DHX38: variants seen among roughly 807,000 people sequenced by gnomAD.
The protein encoded by DHX38 is DEAH-box helicase 38.
Under a neutral mutation model 153.1 loss-of-function variants are expected in DHX38, and 100 were observed. The ratio of observed to expected loss-of-function variants is 0.65; its 90% CI spans 0.56 to 0.77. DHX38 has a LOEUF of 0.77. Among genes scored for constraint, DHX38 ranks in the 30% least tolerant of loss-of-function variants. The pLI is 0.00. For synonymous variants in DHX38, 650 were observed against 631.7 expected (o/e 1.03, Z -0.43); for missense variants, 1,440 against 1,654.0 (o/e 0.87, Z 2.24).
rs543581985 is a variant in DHX38, at chr16:72,099,580, T to C, written c.961-152T>C. Reference sequence around the variant, plus strand: ...CACTGTGGTTCTCCTCCAGATGGCATGTGTCTGCAGGGAGGCCTCTCCTGC... The same window carrying C: ...CACTGTGGTTCTCCTCCAGATGGCACGTGTCTGCAGGGAGGCCTCTCCTGC... On this transcript the variant is annotated intron_variant, in intron 7 of 26. Transcript: ENST00000268482. 6 of 1,035,592 alleles carry C rather than the reference T, an allele frequency of 5.8e-6. No homozygotes were observed. The Admixed American group carries it at 9.5e-5, about 16-fold the overall frequency. The allele number at this position is 1,035,592 out of a possible 1,614,324, so 64.2% of individuals were successfully genotyped here. A position where few individuals can be genotyped will look rare whatever the true frequency, so the allele number is the denominator to read the frequency against.
chr16:72,101,505 G>C lies in DHX38; in HGVS notation c.1392G>C (p.Gln464His), dbSNP rs1371171735. Residue 464 changes from glutamine (Q) to histidine (H), a missense_variant, in exon 11 of 27, where the codon CAG becomes CAC. By Grantham distance (24) the Gln-to-His change is conservative (BLOSUM62 0). Around this residue, in one of 6 missense-constraint regions of DHX38, gnomAD observed 241 missense variants for 229.5 expected, o/e 1.05. Transcript: ENST00000268482. The stretch of plus-strand genomic sequence containing the variant: ...CTGACCTTTTTCCTTTTCAGGCTCA[G>C]CACAAACACTGGGAACTGGCGGGGA... Reference protein sequence around the residue: ...HREQKERKKAQHKHWELAGTK... With the variant: ...HREQKERKKAHHKHWELAGTK... 6.4e-7 allele frequency: 1 copy of C among 1,551,828 alleles called. No individual in the cohort carries two copies.
chr16:72,102,035 G>C (rs1474702773), intron 11 of DHX38, among the ~76,000 whole-genome samples: 1 of 152,210 alleles, frequency 6.6e-6, no homozygotes, highest in Non-Finnish European at 1.5e-5. Context: ...ATTTTTAAAA[G>C]AGGTTCCAAA....
rs764939717 is a variant in DHX38, at chr16:72,097,677, A to G, written c.512A>G (p.Asp171Gly). The G allele has an allele frequency of 1.2e-6, 2 of 1,613,760 alleles. No homozygotes were observed. The change falls in exon 4 of 27, where the codon GAT (aspartate) becomes GGT (glycine). Residue 171 changes from aspartate to glycine, a missense_variant and splice_region_variant. Coordinates refer to ENST00000268482, the MANE Select transcript of DHX38 (RefSeq NM_014003.4). ...DRDYDRKRDR[D>G]ERDRSRHSSR... ...TTAAGCTTCGTGTGACTCTTCATAG[A>G]TGAGCGGGATAGAAGTAGGCACAGC...
chr16:72,101,573 C>T lies in DHX38; in HGVS notation c.1460C>T (p.Pro487Leu). The T allele has an allele frequency of 6.4e-7, 1 of 1,552,028 alleles. No individual in the cohort carries two copies. The highest frequency in any genetic ancestry group is 8.7e-7 in the Non-Finnish European group (1 of 1,147,194). ...DIMGVKKEEE[P>L]DKAVTEDGKV... Reference sequence around the variant, plus strand: ...ATGGGCGTCAAGAAGGAGGAAGAGCCAGATAAAGCTGTGACGGAGGATGGG... The same window carrying T: ...ATGGGCGTCAAGAAGGAGGAAGAGCTAGATAAAGCTGTGACGGAGGATGGG... Residue 487 changes from proline to leucine, a missense_variant, in exon 11 of 27, where the codon CCA becomes CTA. Around this residue, in one of 6 missense-constraint regions of DHX38, gnomAD observed 241 missense variants for 229.5 expected, o/e 1.05. Transcript: ENST00000268482.
intron 4 of DHX38, among the ~76,000 whole-genome samples, chr16:72,098,193 G>A (rs531261915): frequency 2.6e-5 from 4 of 152,200 alleles, no homozygotes; most frequent in Admixed American, 2.6e-4. Context: ...AGTACTTTGG[G>A]AGGCTGAGGC....
intron 3 of DHX38, 76 bp from the exon 4 acceptor site, chr16:72,097,601 G>T: frequency 7.0e-7 from 1 of 1,430,272 alleles, no homozygotes; most frequent in Admixed American, 1.9e-5. Flanking sequence ...TGGGCAGCCT[G>T]TCCTTTCTCT....
At chr16:72,102,706 C>G (rs1334234022) in intron 11 of DHX38, among the ~76,000 whole-genome samples, 1 of 152,200 alleles carries the variant, frequency 6.6e-6, no homozygotes, top group African/African-American at 2.4e-5. Flanking sequence ...GCCCTTTAGA[C>G]GTTGTGCTGA....
chr16:72,111,009 G>T lies in DHX38; in HGVS notation c.3531G>T (p.Ala1177=), dbSNP rs757877528. Residue 1177 remains alanine, a synonymous_variant, in exon 26 of 27, where the codon GCG becomes GCT. Coordinates refer to ENST00000268482, the MANE Select transcript of DHX38 (RefSeq NM_014003.4). ...CCTCTGCCATGGAGGAGGAGATGGCGCTGGCCGAGGAGCAGCTGCGAGCCC... is the reference window on the plus strand; with the variant it reads ...CCTCTGCCATGGAGGAGGAGATGGCTCTGGCCGAGGAGCAGCTGCGAGCCC... ...EEASAMEEEM[A]LAEEQLRARR... 2 of 1,585,834 alleles carry T rather than the reference G, an allele frequency of 1.3e-6. No homozygotes were observed. The highest frequency in any genetic ancestry group is 8.6e-7 in the Non-Finnish European group (1 of 1,165,928).
rs2042141911 is a variant in DHX38 at position 72,104,285 on chromosome 16, A to C, written c.2010+154A>C. The C allele has an allele frequency of 8.3e-7, 1 of 1,199,826 alleles. No individual in the cohort carries two copies. Among genetic ancestry groups the C allele is most frequent in the South Asian group, 1.5e-5 (1 of 65,210 alleles). 74.3% of individuals were successfully genotyped at this position (1,199,826 alleles called of 1,614,324 possible). ...GCAGTTCAGACTCGGGTTGTAGTTC[A>C]TGCTGTTCTTGCTCTGCTGAGGGTG... is the stretch of plus-strand genomic sequence containing the variant. On this transcript the variant is annotated intron_variant, in intron 14 of 26. Transcript: ENST00000268482. This position sits in a 1 kb window ranked among gnomAD's most constrained non-coding sequence, Gnocchi z 4.5.
intron 3 of DHX38, 87 bp downstream of exon 3, chr16:72,097,096 C>G (rs766168832): frequency 7.0e-7 from 1 of 1,434,898 alleles, no homozygotes; most frequent in Non-Finnish European, 9.4e-7. Context: ...TTTTGCAACA[C>G]CCATTTGTTA....
chr16:72,098,334 G>T (rs1409491754), intron 4 of DHX38, among the ~76,000 whole-genome samples: 3 of 152,136 alleles, frequency 2.0e-5, no homozygotes, highest in Non-Finnish European at 4.4e-5. Context: ...TCGGTAGGCT[G>T]AGGCAGGAGA....
At chr16:72,111,146 T>G in intron 26 of DHX38, 69 bp downstream of exon 26, 1 of 1,476,850 alleles carries the variant, frequency 6.8e-7, no homozygotes, top group Non-Finnish European at 9.0e-7. Context: ...GACCAGGCCC[T>G]GATGCAGGGT....
At chr16:72,096,688 G>T in intron 2 of DHX38, 134 bp from the exon 3 acceptor site, 1 of 1,484,976 alleles carries the variant, frequency 6.7e-7, no homozygotes, top group South Asian at 1.4e-5. Context: ...GCCTTGGGTT[G>T]TTGCCATATG....
At chr16:72,109,882 C>G (rs2144178379) in intron 25 of DHX38, 1 of 163,504 alleles carries the variant, frequency 6.1e-6, no homozygotes, top group Non-Finnish European at 1.3e-5. Flanking sequence ...TATTTTAAAG[C>G]TTATCTCATA....
intron 11 of DHX38, among the ~76,000 whole-genome samples, chr16:72,102,478 C>T (rs745923742): frequency 7.2e-5 from 11 of 152,140 alleles, no homozygotes; most frequent in Non-Finnish European, 1.3e-4. Flanking sequence ...GAGAAAGTGA[C>T]AGTGCTCTGC....
At chr16:72,096,590 T>G in intron 2 of DHX38, 110 bp downstream of exon 2, 1 of 1,463,570 alleles carries the variant, frequency 6.8e-7, no homozygotes, top group Non-Finnish European at 9.0e-7. Context: ...CTTTATGATT[T>G]TATTATGATT....
In DHX38 at chr16:72,104,297, C is replaced by A; in HGVS notation, c.2010+166C>A. 1 of 1,185,500 alleles carries A rather than the reference C, an allele frequency of 8.4e-7. No homozygotes were observed. Among genetic ancestry groups the A allele is most frequent in the Non-Finnish European group, 1.2e-6 (1 of 863,190 alleles). The allele number at this position is 1,185,500 out of a possible 1,614,324, so 73.4% of individuals were successfully genotyped here. A position where few individuals can be genotyped will look rare whatever the true frequency, so the allele number is the denominator to read the frequency against. Reference sequence around the variant, plus strand: ...CGGGTTGTAGTTCATGCTGTTCTTGCTCTGCTGAGGGTGGCTTGGGGTTTT... The same window carrying A: ...CGGGTTGTAGTTCATGCTGTTCTTGATCTGCTGAGGGTGGCTTGGGGTTTT... On this transcript the variant is annotated intron_variant, in intron 14 of 26. Coordinates refer to ENST00000268482, the MANE Select transcript of DHX38 (RefSeq NM_014003.4). This position sits in a 1 kb window ranked among gnomAD's most constrained non-coding sequence, Gnocchi z 4.5.
In DHX38 at chr16:72,112,869, A is replaced by G. The variant is rs896613578; in HGVS notation, c.*372A>G. 54 of 696,914 alleles carry G rather than the reference A, an allele frequency of 7.7e-5. 1 individual carries two copies. In the East Asian group the frequency reaches 1.4e-3, roughly 18 times the overall value. 43.2% of individuals were successfully genotyped at this position (696,914 alleles called of 1,614,324 possible). A position where few individuals can be genotyped will look rare whatever the true frequency, so the allele number is the denominator to read the frequency against. ...ACCTAAAGGGAATTGTAATTTGGTT[A>G]TAATTCAGGATTTGGAAATAAATTT... On this transcript the variant is annotated 3_prime_UTR_variant, in exon 27 of 27. Transcript: ENST00000268482.
At chr16:72,100,672 T>G in intron 9 of DHX38, 75 bp downstream of exon 9, 1 of 1,566,150 alleles carries the variant, frequency 6.4e-7, no homozygotes, top group East Asian at 2.3e-5. Flanking sequence ...GGCTCATGCC[T>G]GTCATCCCGG....
Sources: gnomAD v4.1 joint callset for allele counts (sites outside exome capture counted in the v4.1 genomes callset) on GRCh38, gnomAD v4.1.1 for gene constraint, gnomAD v4.1.1 regional missense constraint, Gnocchi (gnomAD v3.1) non-coding constraint, MANE v1.5 for transcripts, NCBI Gene and HGNC (gene_info 2026-07-23, HGNC 2026-07-21) for gene names.